The following KCNIP1 variants were observed in gnomAD, a reference collection of about 807,000 sequenced individuals.
KCNIP1 encodes potassium voltage-gated channel interacting protein 1.
A neutral mutation model predicts 33.0 loss-of-function variants in KCNIP1; 18 were observed. That is an observed-to-expected ratio of 0.55 (90% CI 0.38 to 0.81). The LOEUF (loss-of-function observed/expected upper bound fraction) is 0.81. Ranked by LOEUF, KCNIP1 falls within the 30% of genes least tolerant of loss-of-function variation. The pLI, the probability that KCNIP1 is intolerant of heterozygous loss-of-function variation, is 0.00. For missense variants in KCNIP1, 238 were observed against 271.6 expected, an observed-to-expected ratio of 0.88 and a Z score of 0.87; for synonymous variants, 93 against 98.3, an observed-to-expected ratio of 0.95 and a Z score of 0.32.
chr5:170,555,725 G>C (rs1756821409), intron 1 of KCNIP1, among the ~76,000 whole-genome samples: 1 of 152,184 alleles, frequency 6.6e-6, no homozygotes, highest in South Asian at 2.1e-4. Context: ...GTCAAACAGG[G>C]ATGTCCCTGT....
chr5:170,681,141 C>T (rs539791313), intron 1 of KCNIP1: 6 of 399,106 alleles, frequency 1.5e-5, no homozygotes, highest in Non-Finnish European at 2.7e-5. Flanking sequence ...CTCCCTGAAA[C>T]TTTTGCACTA....
At chr5:170,616,755 C>T (rs1316588446) in intron 1 of KCNIP1, among the ~76,000 whole-genome samples, 1 of 152,220 alleles carries the variant, frequency 6.6e-6, no homozygotes, top group Non-Finnish European at 1.5e-5. Context: ...CTTAAACCTG[C>T]ATGTTCTCTC....
chr5:170,559,688 T>C (rs1756966191), intron 1 of KCNIP1, among the ~76,000 whole-genome samples: 1 of 152,196 alleles, frequency 6.6e-6, no homozygotes, highest in African/African-American at 2.4e-5. Flanking sequence ...CCTCTGGACA[T>C]TTCACCTCTA....
At chr5:170,396,655 T>C (rs1754769587) in intron 1 of KCNIP1, among the ~76,000 whole-genome samples, 1 of 152,200 alleles carries the variant, frequency 6.6e-6, no homozygotes, top group South Asian at 2.1e-4. Flanking sequence ...TGAATAGCAA[T>C]TGGTTGAAAT....
intron 1 of KCNIP1, among the ~76,000 whole-genome samples, chr5:170,644,991 A>G (rs1760729080): frequency 6.6e-6 from 1 of 152,190 alleles, no homozygotes; most frequent in African/African-American, 2.4e-5. Flanking sequence ...CACCTTCCTT[A>G]TGTGTGACCT....
At chr5:170,507,069 C>T (rs1463473058) in intron 1 of KCNIP1, among the ~76,000 whole-genome samples, 2 of 152,188 alleles carry the variant, frequency 1.3e-5, no homozygotes, top group African/African-American at 4.8e-5. Context: ...TTAGGCATTT[C>T]CTCAGGTTCC....
In KCNIP1 at chr5:170,469,918, A is replaced by G. The variant is rs1756686566; in HGVS notation, c.88+115954A>G. Among the ~76,000 whole-genome samples, 3 of 152,350 alleles carry G rather than the reference A, an allele frequency of 2.0e-5. No individual in the cohort carries two copies. The South Asian group carries it at 6.2e-4, about 32-fold the overall frequency. ...CTCCATAAATAACAATTCTTTCAAT[A>G]GAGCTTTTCTCTCTTTCTTAATAAG... On this transcript the variant is annotated intron_variant, in intron 1 of 7. Coordinates refer to the KCNIP1 transcript ENST00000377360.
chr5:170,506,162 G>A (rs956730738), intron 1 of KCNIP1, among the ~76,000 whole-genome samples: 5 of 152,174 alleles, frequency 3.3e-5, no homozygotes, highest in Non-Finnish European at 7.3e-5. Flanking sequence ...TTCAATGCCT[G>A]TGGCTCTCCT....
intron 1 of KCNIP1, among the ~76,000 whole-genome samples, chr5:170,610,260 G>A (rs1226110903): frequency 1.3e-5 from 2 of 152,170 alleles, no homozygotes; most frequent in East Asian, 1.9e-4. Flanking sequence ...ATACACACCA[G>A]CTTCTAACAT....
At chr5:170,482,970 C>A in intron 1 of KCNIP1, 1 of 413,966 alleles carries the variant, frequency 2.4e-6, no homozygotes, top group Admixed American at 2.7e-5. Context: ...TGACTAGATT[C>A]CATGCATCCC....
At chr5:170,413,895 C>T (rs1755259022) in intron 1 of KCNIP1, among the ~76,000 whole-genome samples, 1 of 148,366 alleles carries the variant, frequency 6.7e-6, no homozygotes, top group South Asian at 2.1e-4. Flanking sequence ...TGGTCTTGTC[C>T]AACTGTATCT....
intron 1 of KCNIP1, among the ~76,000 whole-genome samples, chr5:170,593,435 T>G (rs1327333749): frequency 6.6e-6 from 1 of 152,166 alleles, no homozygotes; most frequent in East Asian, 1.9e-4. Context: ...AGGGGAGCAT[T>G]TGTAATTTAC....
At chr5:170,722,670 A>T (rs12514966) in intron 4 of KCNIP1, 43 bp from the exon 5 acceptor site, 470,403 of 1,332,750 alleles carry the variant, frequency 0.35, 90,900 homozygotes, top group Non-Finnish European at 0.41. Flanking sequence ...ACACTGTCTG[A>T]TGGCTTGATG....
At chr5:170,713,385 A>G (rs78997257) in intron 1 of KCNIP1, among the ~76,000 whole-genome samples, 3,231 of 152,298 alleles carry the variant, frequency 0.021, 61 homozygotes, top group Non-Finnish European at 0.032. Flanking sequence ...GTAAGTAGGT[A>G]TAGATCAAAA....
At chr5:170,586,382 G>A (rs1218493550) in intron 1 of KCNIP1, among the ~76,000 whole-genome samples, 2 of 152,160 alleles carry the variant, frequency 1.3e-5, no homozygotes, top group Non-Finnish European at 2.9e-5. Context: ...ATGCTGATGG[G>A]GATGCAGAGG....
intron 1 of KCNIP1, among the ~76,000 whole-genome samples, chr5:170,429,000 T>G (rs1323002896): frequency 6.6e-6 from 1 of 151,954 alleles, no homozygotes; most frequent in Non-Finnish European, 1.5e-5. Context: ...CTTTTCCCAT[T>G]AAATCACTTG....
intron 1 of KCNIP1, among the ~76,000 whole-genome samples, chr5:170,419,318 C>G (rs1021757181): frequency 6.6e-5 from 10 of 152,144 alleles, no homozygotes; most frequent in African/African-American, 2.4e-4. Flanking sequence ...AGGAAGTAAT[C>G]AGAGAGGTGG....
At chr5:170,564,211 G>T (rs1259205634) in intron 1 of KCNIP1, among the ~76,000 whole-genome samples, 2 of 152,054 alleles carry the variant, frequency 1.3e-5, no homozygotes, top group Non-Finnish European at 2.9e-5. Context: ...AAGGTACATT[G>T]TGTATCAGCA....
intron 1 of KCNIP1, chr5:170,483,807 G>C (rs1033052953): frequency 6.6e-6 from 1 of 152,206 alleles, no homozygotes; most frequent in African/African-American, 2.4e-5. Context: ...CAGTCAGGGA[G>C]CTTTCAGTCT....
Sources: allele counts gnomAD v4.1 joint callset (sites outside exome capture counted in the v4.1 genomes callset), GRCh38; gene constraint gnomAD v4.1.1; transcripts MANE v1.5; gene names NCBI Gene and HGNC (gene_info 2026-07-23, HGNC 2026-07-21).